CFAP54: variants seen among roughly 807,000 people sequenced by gnomAD.
The protein encoded by CFAP54 is cilia- and flagella-associated protein 54.
CFAP54 carries 290 observed loss-of-function variants against 370.4 expected under a neutral mutation model. The observed-to-expected ratio is 0.78, with a 90% confidence interval of 0.71 to 0.86. The LOEUF (loss-of-function observed/expected upper bound fraction) is 0.86. CFAP54 is among the 40% of genes least tolerant of loss of function. CFAP54 has a pLI of 0.00. For missense variants in CFAP54, 3,399 were observed against 3,528.7 expected, an observed-to-expected ratio of 0.96 and a Z score of 0.93; for synonymous variants, 1,206 against 1,236.5, an observed-to-expected ratio of 0.98 and a Z score of 0.52.
chr12:96,760,188 G>A (rs915962687), intron 58 of CFAP54, among the ~76,000 whole-genome samples: 2 of 152,156 alleles, frequency 1.3e-5, no homozygotes, highest in East Asian at 1.9e-4. Flanking sequence ...CACAGATGAA[G>A]TACATTTTGA....
intron 8 of CFAP54, 50 bp from the exon 9 acceptor site, chr12:96,527,196 A>G (rs1381339887): frequency 1.4e-6 from 2 of 1,449,350 alleles, no homozygotes; most frequent in Non-Finnish European, 1.8e-6. Context: ...TGCGCCCACA[A>G]TATAATAGCT....
intron 39 of CFAP54, among the ~76,000 whole-genome samples, chr12:96,674,592 T>C (rs1474361287): frequency 6.6e-6 from 1 of 151,918 alleles, no homozygotes; most frequent in Non-Finnish European, 1.5e-5. Flanking sequence ...GAAAAAGATC[T>C]GCAGGGCTTG....
At chr12:96,660,799 C>T (rs927129921) in intron 38 of CFAP54, among the ~76,000 whole-genome samples, 8 of 151,798 alleles carry the variant, frequency 5.3e-5, no homozygotes, top group South Asian at 2.1e-4. Context: ...TCTCAAGCCC[C>T]AGGTTGTGAC....
chr12:96,529,521 A>ATT (rs1955418236), intron 9 of CFAP54, among the ~76,000 whole-genome samples: 1 of 151,874 alleles, frequency 6.6e-6, no homozygotes, highest in Non-Finnish European at 1.5e-5. Flanking sequence ...GACACTTAGT[A>ATT]TTATCTGTCT....
rs369009864 is a variant in CFAP54 at position 96,808,185 on chromosome 12, A to G, written c.8851-3551A>G. Among the ~76,000 whole-genome samples the G allele has an allele frequency of 3.3e-5, 5 of 152,238 alleles. No individual in the cohort carries two copies. The South Asian group carries it at 1.0e-3, about 32-fold the overall frequency. On this transcript the variant is annotated intron_variant, in intron 63 of 67. Coordinates refer to ENST00000524981, the MANE Select transcript of CFAP54 (RefSeq NM_001306084.2). ...CTATACAGTCTTCTCCATTTGGTCA[A>G]ACTCATCAGCATATCTTTCAGTTCC... is the stretch of plus-strand genomic sequence containing the variant.
At chr12:96,573,027 G>T (rs1370913479) in intron 19 of CFAP54, 9 of 985,410 alleles carry the variant, frequency 9.1e-6, no homozygotes, top group Non-Finnish European at 8.4e-6. Context: ...GCCCAGAGAG[G>T]CTGGCTGGTC....
At chr12:96,777,313 A>G (rs116726619) in intron 60 of CFAP54, among the ~76,000 whole-genome samples, 1,789 of 152,092 alleles carry the variant, frequency 0.012, 38 homozygotes, top group African/African-American at 0.04. Context: ...AGTAGTTAAT[A>G]ACATTAACAA....
intron 46 of CFAP54, among the ~76,000 whole-genome samples, chr12:96,704,446 A>ATG (rs1361954982): frequency 0.02 from 1,483 of 72,846 alleles, 46 homozygotes; most frequent in South Asian, 0.05. Context: ...AAAAAAATGT[A>ATG]TGTGTGTATA....
chr12:96,648,359 AGTGC>A (rs1342267917), intron 34 of CFAP54, among the ~76,000 whole-genome samples: 1 of 152,130 alleles, frequency 6.6e-6, no homozygotes, highest in Non-Finnish European at 1.5e-5. Context: ...ATTATGTTTT[AGTGC>A]AAATAAGTTC....
At chr12:96,817,750 A>G (rs970620) in intron 64 of CFAP54, 25 bp from the exon 65 acceptor site, 472,528 of 1,384,490 alleles carry the variant, frequency 0.34, 83,086 homozygotes, top group South Asian at 0.54. Flanking sequence ...TTCAAATAAA[A>G]TACATATATA....
chr12:96,702,123 G>A (rs1214338369), intron 46 of CFAP54, among the ~76,000 whole-genome samples: 1 of 152,168 alleles, frequency 6.6e-6, no homozygotes, highest in Non-Finnish European at 1.5e-5. Flanking sequence ...GATACAGGAT[G>A]TAAGAGAAAG....
chr12:96,780,662 C>G (rs951262762), intron 60 of CFAP54, among the ~76,000 whole-genome samples: 10 of 152,068 alleles, frequency 6.6e-5, no homozygotes, highest in African/African-American at 2.4e-4. Context: ...TTGAAAAGGC[C>G]TATTGTGTTC....
chr12:96,602,437 T>A (rs555362148), intron 26 of CFAP54, among the ~76,000 whole-genome samples: 18 of 152,224 alleles, frequency 1.2e-4, no homozygotes, highest in Non-Finnish European at 2.1e-4. Context: ...ATTCTGTTGA[T>A]TTGGGGTGGA....
intron 51 of CFAP54, among the ~76,000 whole-genome samples, chr12:96,741,505 C>G (rs1958051219): frequency 6.6e-6 from 1 of 152,130 alleles, no homozygotes; most frequent in Admixed American, 6.6e-5. Flanking sequence ...CCTTGCCCTA[C>G]TCTTCCTGTA....
chr12:96,828,214 T>C (rs1024830407), intron 65 of CFAP54, among the ~76,000 whole-genome samples: 4 of 150,778 alleles, frequency 2.7e-5, no homozygotes, highest in African/African-American at 9.8e-5. Context: ...AAAAAACTAC[T>C]TACAGTAACT....
At chr12:96,856,579 A>G (rs1013480852) in intron 66 of CFAP54, among the ~76,000 whole-genome samples, 2 of 151,920 alleles carry the variant, frequency 1.3e-5, no homozygotes, top group Non-Finnish European at 2.9e-5. Flanking sequence ...CCAGTTCCCA[A>G]CAAGTCCCTC....
At chr12:96,794,212 G>A (rs1336542378) in intron 63 of CFAP54, among the ~76,000 whole-genome samples, 1 of 152,116 alleles carries the variant, frequency 6.6e-6, no homozygotes, top group Non-Finnish European at 1.5e-5. Context: ...ATGACTATGT[G>A]CTTAGATGGT....
Position 96,849,454 on chromosome 12 carries a change from G to A in CFAP54, c.9172-11365G>A, listed in dbSNP as rs142769131. ...GCTTAGAATTGATGAAAACGTAACT[G>A]ACAGTGTGCAGAGAGAAGGAAGAGG... On this transcript the variant is annotated intron_variant, in intron 66 of 67. Coordinates refer to ENST00000524981, the MANE Select transcript of CFAP54 (RefSeq NM_001306084.2). 1.8e-3 allele frequency among the ~76,000 whole-genome samples: 271 copies of A among 152,302 alleles called. 5 individuals carry two copies. The highest frequency in any genetic ancestry group is 0.013 in the Admixed American group (204 of 15,290).
chr12:96,846,092 T>C (rs1959336044), intron 66 of CFAP54, among the ~76,000 whole-genome samples: 1 of 152,214 alleles, frequency 6.6e-6, no homozygotes, highest in Admixed American at 6.5e-5. Context: ...GAAACTATTT[T>C]CTCAGAGTAT....
Sources: allele counts gnomAD v4.1 joint callset (sites outside exome capture counted in the v4.1 genomes callset), GRCh38; gene constraint gnomAD v4.1.1; transcripts MANE v1.5; gene names NCBI Gene and HGNC (gene_info 2026-07-23, HGNC 2026-07-21).